DSCAML1: variants seen among roughly 807,000 people sequenced by gnomAD.
DSCAML1 encodes the protein DS cell adhesion molecule like 1.
In DSCAML1, 38 loss-of-function variants were observed where a neutral mutation model predicts 200.5. The observed-to-expected ratio is 0.19, with a 90% CI of 0.15 to 0.25. The LOEUF is 0.25. DSCAML1 is among the 10% of genes least tolerant of loss of function. The pLI, the probability that DSCAML1 is intolerant of heterozygous loss-of-function variation, is 1.00. For synonymous variants in DSCAML1, 1,215 were observed against 1,165.0 expected (o/e 1.04, Z -0.87); for missense variants, 2,223 against 2,858.8 (o/e 0.78, Z 5.07).
chr11:117,625,698 A>T (rs919519219), intron 3 of DSCAML1, among the ~76,000 whole-genome samples: 2 of 152,168 alleles, frequency 1.3e-5, no homozygotes, highest in African/African-American at 2.4e-5. Context: ...TCTGTATCAG[A>T]CTTTGCATTG....
chr11:117,499,990 C>T (rs982708795), intron 11 of DSCAML1, among the ~76,000 whole-genome samples: 1 of 152,232 alleles, frequency 6.6e-6, no homozygotes, highest in Non-Finnish European at 1.5e-5. Context: ...AAACATTTAG[C>T]TTCCAAAGGC....
chr11:117,796,859 C>A (rs534204305), intron 1 of DSCAML1, among the ~76,000 whole-genome samples, 175 bp downstream of exon 1: 95 of 152,238 alleles, frequency 6.2e-4, no homozygotes, highest in African/African-American at 2.1e-3. Flanking sequence ...CGGGGGCTGA[C>A]TCTCACTCGG....
Position 117,734,323 on chromosome 11 carries a change from AT to A in DSCAML1, c.511+42467del, listed in dbSNP as rs2054281074. On this transcript the variant is annotated intron_variant, in intron 3 of 32. Transcript: ENST00000651296. ...ACTTACGGGGTGGGGGAACCCAGTGATGGAAAAGGTGGGGAGAGATGGGTCC... is the reference window on the plus strand; with the variant it reads ...ACTTACGGGGTGGGGGAACCCAGTGAGGAAAAGGTGGGGAGAGATGGGTCC... 2.6e-5 allele frequency among the ~76,000 whole-genome samples: 4 copies of A among 152,292 alleles called. No individual in the cohort carries two copies. In the South Asian group the frequency reaches 8.3e-4, roughly 32 times the overall value.
chr11:117,637,950 G>A (rs2052325552), intron 3 of DSCAML1, among the ~76,000 whole-genome samples: 1 of 152,200 alleles, frequency 6.6e-6, no homozygotes, highest in Admixed American at 6.5e-5. Context: ...ACAAAGCACA[G>A]CCCATTCTGT....
intron 3 of DSCAML1, among the ~76,000 whole-genome samples, chr11:117,737,479 T>A (rs1238033892): frequency 1.3e-5 from 2 of 152,150 alleles, no homozygotes; most frequent in African/African-American, 4.8e-5. Flanking sequence ...CCAAAGGGGA[T>A]CGTGGCATAA....
chr11:117,464,814 G>A (rs2048547625), intron 17 of DSCAML1, 128 bp downstream of exon 17: 2 of 1,393,102 alleles, frequency 1.4e-6, no homozygotes, highest in Non-Finnish European at 1.9e-6. Context: ...GATGCAGGGA[G>A]CCTGCGTGGA....
At chr11:117,633,586 G>A (rs564926791) in intron 3 of DSCAML1, among the ~76,000 whole-genome samples, 55 of 152,168 alleles carry the variant, frequency 3.6e-4, no homozygotes, top group Non-Finnish European at 1.3e-4. Context: ...TACCAACCTC[G>A]TCTGGGCGAT....
intron 3 of DSCAML1, among the ~76,000 whole-genome samples, chr11:117,729,585 C>G (rs1389843906): frequency 6.6e-6 from 1 of 152,136 alleles, no homozygotes; most frequent in Non-Finnish European, 1.5e-5. Flanking sequence ...AATAAAAGGA[C>G]AACTCAATTT....
chr11:117,475,521 T>C (rs2048773214), intron 14 of DSCAML1, among the ~76,000 whole-genome samples: 2 of 152,192 alleles, frequency 1.3e-5, no homozygotes, highest in Non-Finnish European at 2.9e-5. Context: ...GGGTTCACTG[T>C]TTGGTGGTAA....
At chr11:117,515,189 T>C (rs1264727323) in intron 8 of DSCAML1, among the ~76,000 whole-genome samples, 1 of 152,148 alleles carries the variant, frequency 6.6e-6, no homozygotes, top group African/African-American at 2.4e-5. Flanking sequence ...TGTCCACTTA[T>C]CCTCCCCAGG....
At chr11:117,603,754 T>C (rs2051510013) in intron 3 of DSCAML1, among the ~76,000 whole-genome samples, 1 of 152,068 alleles carries the variant, frequency 6.6e-6, no homozygotes, top group Non-Finnish European at 1.5e-5. Context: ...TGAGAGTTAC[T>C]AAGAGATGCC....
rs2048940442 is a variant in DSCAML1, at chr11:117,482,182, A to G, written c.2360-20T>C. On this transcript the variant is annotated intron_variant, in intron 11 of 32. Transcript: ENST00000651296. ...CCGGGACTGGGGGGCGGAGGCAGAGAAGGCCCAGTGAAGGTCGGGAGACCA... is the reference window on the plus strand; with the variant it reads ...CCGGGACTGGGGGGCGGAGGCAGAGGAGGCCCAGTGAAGGTCGGGAGACCA... 1.9e-6 allele frequency: 3 copies of G among 1,613,346 alleles called. No individual in the cohort carries two copies. The highest frequency in any genetic ancestry group is 2.7e-5 in the African/African-American group (2 of 74,896).
intron 3 of DSCAML1, among the ~76,000 whole-genome samples, chr11:117,638,346 G>C (rs1451076960): frequency 2.6e-5 from 4 of 151,704 alleles, no homozygotes; most frequent in Non-Finnish European, 5.9e-5. Flanking sequence ...GTGTGTGTGT[G>C]TGTGTGTGTG....
chr11:117,536,025 C>T (rs1165421512), intron 3 of DSCAML1, among the ~76,000 whole-genome samples: 1 of 152,068 alleles, frequency 6.6e-6, no homozygotes, highest in Non-Finnish European at 1.5e-5. Context: ...CCCTCCCCCC[C>T]TTCTTGTGCA....
At chr11:117,753,322 C>T (rs2054632647) in intron 3 of DSCAML1, among the ~76,000 whole-genome samples, 1 of 152,104 alleles carries the variant, frequency 6.6e-6, no homozygotes, top group Non-Finnish European at 1.5e-5. Flanking sequence ...ACAGCAGAGG[C>T]CTGGGGCTGA....
At chr11:117,613,973 G>C (rs914708130) in intron 3 of DSCAML1, among the ~76,000 whole-genome samples, 2 of 151,970 alleles carry the variant, frequency 1.3e-5, no homozygotes, top group African/African-American at 2.4e-5. Context: ...TGGGGCAGGG[G>C]TGTGGGGAAA....
chr11:117,654,959 G>A (rs1200088817), intron 3 of DSCAML1, among the ~76,000 whole-genome samples: 2 of 152,202 alleles, frequency 1.3e-5, no homozygotes, highest in Non-Finnish European at 1.5e-5. Context: ...ACAGTCTCCC[G>A]AAACAGAAAA....
chr11:117,540,485 A>G (rs1197988088), intron 3 of DSCAML1, among the ~76,000 whole-genome samples: 1 of 152,186 alleles, frequency 6.6e-6, no homozygotes, highest in African/African-American at 2.4e-5. Context: ...AGTTTTACAA[A>G]AGGCAACTGA....
Position 117,505,540 on chromosome 11 carries a change from A to G in DSCAML1, c.1976T>C (p.Val659Ala). The change falls in exon 9 of 33, where the codon GTC (valine) becomes GCC (alanine). Residue 659 changes from valine to alanine, a missense_variant. Around this residue, in one of 7 missense-constraint regions of DSCAML1, gnomAD observed 212 missense variants for 368.0 expected, o/e 0.58. Coordinates refer to ENST00000651296, the MANE Select transcript of DSCAML1 (RefSeq NM_020693.4). This position sits in a 1 kb window ranked among gnomAD's most constrained non-coding sequence, Gnocchi z 6.7. ...ATAGTTGCCGTTGTGCTTGAGGGAG[A>G]CGCTAGAGATCTGCAGGGAGCTCAT... Reference protein sequence around the residue: ...EFMSSLQISSVSLKHNGNYTC... With the variant: ...EFMSSLQISSASLKHNGNYTC... 6.2e-7 allele frequency: 1 copy of G among 1,612,360 alleles called. No homozygotes were observed. Among genetic ancestry groups the G allele is most frequent in the Middle Eastern group, 1.6e-4 (1 of 6,062 alleles).
Sources: gnomAD v4.1 joint callset for allele counts (sites outside exome capture counted in the v4.1 genomes callset) on GRCh38, gnomAD v4.1.1 for gene constraint, gnomAD v4.1.1 regional missense constraint, Gnocchi (gnomAD v3.1) non-coding constraint, MANE v1.5 for transcripts, NCBI Gene and HGNC (gene_info 2026-07-23, HGNC 2026-07-21) for gene names.